The following ACBD6 variants were observed in gnomAD, a reference collection of about 807,000 sequenced individuals.
ACBD6 encodes the protein acyl-CoA-binding domain-containing protein 6.
ACBD6 carries 28 observed loss-of-function variants against 37.2 expected under a neutral mutation model. The ratio of observed to expected loss-of-function variants is 0.75; its 90% CI spans 0.56 to 1.03. The LOEUF (loss-of-function observed/expected upper bound fraction) is 1.03. Among genes scored for constraint, ACBD6 ranks in the 50% least tolerant of loss-of-function variants. ACBD6 has a pLI of 0.00. For synonymous variants in ACBD6, 113 were observed against 126.8 expected, an observed-to-expected ratio of 0.89 and a Z score of 0.73; for missense variants, 340 against 337.4, an observed-to-expected ratio of 1.01 and a Z score of -0.06.
At chr1:180,399,120 T>C (rs921372212) in intron 5 of ACBD6, among the ~76,000 whole-genome samples, 4 of 152,228 alleles carry the variant, frequency 2.6e-5, no homozygotes, top group African/African-American at 9.6e-5. Flanking sequence ...TACCTGTAAA[T>C]ATCTGTTTTC....
At chr1:180,480,252 A>T (rs1279019956) in intron 3 of ACBD6, among the ~76,000 whole-genome samples, 2 of 143,408 alleles carry the variant, frequency 1.4e-5, no homozygotes, top group Non-Finnish European at 3.1e-5. Context: ...GACCACACTC[A>T]AAACAAGGAG....
chr1:180,320,358 C>G (rs1463676237), intron 6 of ACBD6, among the ~76,000 whole-genome samples: 3 of 152,090 alleles, frequency 2.0e-5, no homozygotes, highest in Non-Finnish European at 2.9e-5. Flanking sequence ...ATTATTAGGC[C>G]AAGCGTGTGG....
chr1:180,369,665 T>A (rs1170911260), intron 6 of ACBD6, among the ~76,000 whole-genome samples: 2 of 152,170 alleles, frequency 1.3e-5, no homozygotes, highest in Non-Finnish European at 1.5e-5. Context: ...GTTAGACAAG[T>A]AACAGTTGCA....
At chr1:180,497,767 G>A (rs764354622) in intron 1 of ACBD6, among the ~76,000 whole-genome samples, 6 of 151,978 alleles carry the variant, frequency 3.9e-5, no homozygotes, top group Non-Finnish European at 7.4e-5. Context: ...CATATCTAAT[G>A]CTGCATCCAG....
intron 2 of ACBD6, among the ~76,000 whole-genome samples, chr1:180,495,014 A>G (rs1242780115): frequency 6.6e-6 from 1 of 152,172 alleles, no homozygotes; most frequent in Admixed American, 6.5e-5. Flanking sequence ...TGGGGCAAGG[A>G]ACACAAGAGT....
chr1:180,484,448 C>T (rs961944690), intron 3 of ACBD6, among the ~76,000 whole-genome samples: 2 of 152,120 alleles, frequency 1.3e-5, no homozygotes, highest in African/African-American at 4.8e-5. Flanking sequence ...ATATTCTAGA[C>T]TTAAGCAAAT....
intron 6 of ACBD6, among the ~76,000 whole-genome samples, chr1:180,389,129 T>TC (rs1161914672): frequency 6.6e-6 from 1 of 152,214 alleles, no homozygotes; most frequent in Non-Finnish European, 1.5e-5. Flanking sequence ...GCATTAGGTA[T>TC]ATCTCCTAAT....
chr1:180,355,488 C>T (rs1022713164), intron 6 of ACBD6, among the ~76,000 whole-genome samples: 2 of 152,146 alleles, frequency 1.3e-5, no homozygotes, highest in Non-Finnish European at 2.9e-5. Flanking sequence ...CATAATAGCT[C>T]ACTAAAATTA....
chr1:180,274,024 A>G (rs534942089), exon 11 of ACBD6: 17 of 800,112 alleles, frequency 2.1e-5, no homozygotes, highest in African/African-American at 2.1e-4. Flanking sequence ...TGGCCTCTGG[A>G]TATCAGGCTG....
At chr1:180,282,489 G>T (rs897270027) in intron 8 of ACBD6, among the ~76,000 whole-genome samples, 1 of 152,096 alleles carries the variant, frequency 6.6e-6, no homozygotes, top group African/African-American at 2.4e-5. Context: ...CAAGAACTTT[G>T]GGGTTAAATC....
At chr1:180,375,944 G>T (rs1653415088) in intron 6 of ACBD6, among the ~76,000 whole-genome samples, 1 of 152,006 alleles carries the variant, frequency 6.6e-6, no homozygotes, top group African/African-American at 2.4e-5. Flanking sequence ...ACCACAAAGG[G>T]TTAATATCCA....
chr1:180,362,313 T>C (rs555519572), intron 6 of ACBD6, among the ~76,000 whole-genome samples: 9 of 152,216 alleles, frequency 5.9e-5, no homozygotes, highest in African/African-American at 9.6e-5. Context: ...AACAATGACA[T>C]AGTTCTACAG....
At chr1:180,446,016 T>TG (rs1029044402) in intron 3 of ACBD6, among the ~76,000 whole-genome samples, 2 of 151,734 alleles carry the variant, frequency 1.3e-5, no homozygotes, top group African/African-American at 2.4e-5. Flanking sequence ...TACTTTTTTT[T>TG]GGGGGGGATG....
chr1:180,348,458 G>C (rs935640790), intron 6 of ACBD6, among the ~76,000 whole-genome samples: 2 of 152,208 alleles, frequency 1.3e-5, no homozygotes, highest in African/African-American at 4.8e-5. Context: ...CAGGAGAACT[G>C]AGGAAATGGG....
At chr1:180,306,614 T>C (rs1650387528) in intron 7 of ACBD6, among the ~76,000 whole-genome samples, 1 of 152,200 alleles carries the variant, frequency 6.6e-6, no homozygotes, top group Non-Finnish European at 1.5e-5. Context: ...ATGTGTAAGA[T>C]TCATTTACAT....
chr1:180,333,235 A>T (rs1651556989), intron 6 of ACBD6, among the ~76,000 whole-genome samples: 3 of 147,828 alleles, frequency 2.0e-5, no homozygotes, highest in Admixed American at 6.6e-5. Flanking sequence ...TTTCCAGATT[A>T]AAAAAAAACA....
chr1:180,292,776 GGA>G (rs1649764864), intron 7 of ACBD6, among the ~76,000 whole-genome samples: 1 of 152,122 alleles, frequency 6.6e-6, no homozygotes, highest in African/African-American at 2.4e-5. Context: ...GGATCAAAGT[GGA>G]GAGAGTGGAT....
intron 3 of ACBD6, among the ~76,000 whole-genome samples, chr1:180,441,573 T>A (rs1237660841): frequency 6.6e-6 from 1 of 152,186 alleles, no homozygotes; most frequent in Admixed American, 6.5e-5. Flanking sequence ...TAGTTTTCAG[T>A]CTAAAATCTT....
intron 5 of ACBD6, among the ~76,000 whole-genome samples, chr1:180,406,374 T>C (rs1348595620): frequency 6.6e-6 from 1 of 152,156 alleles, no homozygotes; most frequent in African/African-American, 2.4e-5. Flanking sequence ...GTTTCAGATT[T>C]TGGATCATTC....
Sources: allele counts gnomAD v4.1 joint callset (sites outside exome capture counted in the v4.1 genomes callset), GRCh38; gene constraint gnomAD v4.1.1; transcripts MANE v1.5; gene names NCBI Gene and HGNC (gene_info 2026-07-23, HGNC 2026-07-21).